The following TTBK2 variants were observed in gnomAD, a reference collection of about 807,000 sequenced individuals.
TTBK2 encodes tau-tubulin kinase 2.
Under a neutral mutation model 110.8 loss-of-function variants are expected in TTBK2, and 28 were observed. The ratio of observed to expected loss-of-function variants is 0.25; its 90% CI spans 0.19 to 0.35. TTBK2 has a LOEUF of 0.35. TTBK2 is among the 10% of genes least tolerant of loss of function. The pLI, the probability that TTBK2 is intolerant of heterozygous loss-of-function variation, is 1.00. For missense variants in TTBK2, 1,369 were observed against 1,500.3 expected (o/e 0.91, Z 1.45); for synonymous variants, 532 against 527.3 (o/e 1.01, Z -0.12).
At chr15:42,845,834 A>G (rs1893435367) in intron 3 of TTBK2, among the ~76,000 whole-genome samples, 2 of 152,084 alleles carry the variant, frequency 1.3e-5, no homozygotes, top group South Asian at 4.1e-4. Context: ...CTACATGCCT[A>G]GGCCTATATG....
chr15:42,895,941 A>G (rs1165115086), intron 1 of TTBK2, among the ~76,000 whole-genome samples: 1 of 152,176 alleles, frequency 6.6e-6, no homozygotes, highest in Non-Finnish European at 1.5e-5. Flanking sequence ...TTCTTCTCTC[A>G]GCCCCTGGAA....
At chr15:42,796,885 T>C (rs1890968440) in intron 9 of TTBK2, among the ~76,000 whole-genome samples, 3 of 152,156 alleles carry the variant, frequency 2.0e-5, no homozygotes, top group African/African-American at 7.2e-5. Flanking sequence ...GAATTGTAAA[T>C]ACAGAAAAAG....
intron 1 of TTBK2, among the ~76,000 whole-genome samples, chr15:42,912,039 C>T (rs974879479): frequency 9.8e-5 from 15 of 152,306 alleles, no homozygotes; most frequent in Non-Finnish European, 2.1e-4. Context: ...TGTTGGGCCA[C>T]ATTCAAAGCC....
chr15:42,889,837 C>A (rs1895384751), intron 1 of TTBK2, among the ~76,000 whole-genome samples: 1 of 152,174 alleles, frequency 6.6e-6, no homozygotes, highest in South Asian at 2.1e-4. Context: ...CCACCCCAAT[C>A]CCACTTAAAG....
intron 1 of TTBK2, among the ~76,000 whole-genome samples, chr15:42,909,082 T>TTC (rs1158648643): frequency 6.6e-6 from 1 of 152,196 alleles, no homozygotes; most frequent in African/African-American, 2.4e-5. Flanking sequence ...CTTTTCTAGC[T>TTC]TCTAGAACCC....
intron 4 of TTBK2, among the ~76,000 whole-genome samples, chr15:42,836,057 T>C (rs1325118615): frequency 6.6e-6 from 1 of 152,160 alleles, no homozygotes; most frequent in Non-Finnish European, 1.5e-5. Context: ...CTTATCACAA[T>C]ATATCACACT....
intron 1 of TTBK2, among the ~76,000 whole-genome samples, chr15:42,892,379 A>C (rs906950910): frequency 6.6e-6 from 1 of 152,092 alleles, no homozygotes; most frequent in Non-Finnish European, 1.5e-5. Flanking sequence ...ACGGTATTAC[A>C]CTTAGGCCTA....
intron 1 of TTBK2, among the ~76,000 whole-genome samples, chr15:42,890,455 C>A (rs1465842629): frequency 6.6e-6 from 1 of 152,198 alleles, no homozygotes; most frequent in East Asian, 1.9e-4. Context: ...TGTATCTCTT[C>A]ACCTGTATCC....
intron 3 of TTBK2, among the ~76,000 whole-genome samples, chr15:42,848,918 A>C (rs895629687): frequency 6.6e-6 from 1 of 152,150 alleles, no homozygotes; most frequent in African/African-American, 2.4e-5. Context: ...TTGTGGCCTG[A>C]TCTTGTATCA....
chr15:42,777,000 G>C, intron 12 of TTBK2, 31 bp downstream of exon 12: 1 of 1,593,360 alleles, frequency 6.3e-7, no homozygotes, highest in African/African-American at 1.3e-5. Flanking sequence ...TACCTTAGAA[G>C]CTTTAAAAAG....
chr15:42,761,919 T>A (rs2062033848), intron 13 of TTBK2, among the ~76,000 whole-genome samples: 1 of 152,198 alleles, frequency 6.6e-6, no homozygotes, highest in East Asian at 1.9e-4. Flanking sequence ...AGGGACCCAG[T>A]GGGAGGTAAC....
At chr15:42,807,587 G>GA (rs2140915763) in intron 9 of TTBK2, among the ~76,000 whole-genome samples, 1 of 102,642 alleles carries the variant, frequency 9.7e-6, no homozygotes, top group African/African-American at 8.9e-5. Flanking sequence ...TTTTTTTGTT[G>GA]TTTTTTGTTG....
intron 1 of TTBK2, among the ~76,000 whole-genome samples, chr15:42,883,473 A>G (rs1391498170): frequency 1.3e-5 from 2 of 151,878 alleles, no homozygotes; most frequent in South Asian, 2.1e-4. Context: ...GTAATGTAAT[A>G]TTCATATTAT....
chr15:42,881,042 G>A (rs1340971748), intron 1 of TTBK2, among the ~76,000 whole-genome samples: 1 of 151,902 alleles, frequency 6.6e-6, no homozygotes, highest in East Asian at 1.9e-4. Flanking sequence ...AGCACTTTGG[G>A]AGGCCAAGAC....
chr15:42,848,320 G>A (rs1893551949), intron 3 of TTBK2, among the ~76,000 whole-genome samples: 1 of 151,734 alleles, frequency 6.6e-6, no homozygotes, highest in Non-Finnish European at 1.5e-5. Context: ...AGTACTGCTG[G>A]GATTTTTATT....
rs1163158909 is a variant in TTBK2 at position 42,739,065 on chromosome 15, TTAA to T, written c.*6727_*6729del. On this transcript the variant is annotated 3_prime_UTR_variant, in exon 15 of 15. Transcript: ENST00000267890. Reference sequence around the variant, plus strand: ...AGAACTTAAAACACTGTACAAAGCTTTAATATGATACAAATGGGAAAATTAAAT... The same window carrying T: ...AGAACTTAAAACACTGTACAAAGCTTTATGATACAAATGGGAAAATTAAAT... The T allele has an allele frequency of 6.6e-6, 1 of 152,218 alleles. No homozygotes were observed. The highest frequency in any genetic ancestry group is 1.9e-4 in the East Asian group (1 of 5,198). 9.4% of individuals were successfully genotyped at this position (152,218 alleles called of 1,614,324 possible). A position where few individuals can be genotyped will look rare whatever the true frequency, so the allele number is the denominator to read the frequency against.
chr15:42,834,175 C>A (rs1161257909), intron 4 of TTBK2, among the ~76,000 whole-genome samples: 2 of 131,580 alleles, frequency 1.5e-5, no homozygotes, highest in Non-Finnish European at 1.5e-5. Flanking sequence ...CAGAGCAAGA[C>A]CCCATCTCAA....
At chr15:42,888,133 C>T (rs1231837683) in intron 1 of TTBK2, among the ~76,000 whole-genome samples, 1 of 152,108 alleles carries the variant, frequency 6.6e-6, no homozygotes. Flanking sequence ...CAGTGACCAC[C>T]ACTGCTTTAA....
chr15:42,757,193 A>G (rs1050998898), intron 13 of TTBK2, among the ~76,000 whole-genome samples: 2 of 151,820 alleles, frequency 1.3e-5, no homozygotes, highest in African/African-American at 2.4e-5. Flanking sequence ...TGCAGCCTCT[A>G]ACTCCTGGGC....
Sources: gnomAD v4.1 joint callset for allele counts (sites outside exome capture counted in the v4.1 genomes callset) on GRCh38, gnomAD v4.1.1 for gene constraint, MANE v1.5 for transcripts, NCBI Gene and HGNC (gene_info 2026-07-23, HGNC 2026-07-21) for gene names.